The following PHF3 variants were observed in gnomAD, a reference collection of about 807,000 sequenced individuals.
The protein encoded by PHF3 is PHD finger protein 3.
PHF3 carries 41 observed loss-of-function variants against 178.4 expected under a neutral mutation model. The observed-to-expected ratio is 0.23, with a 90% CI of 0.18 to 0.30. The LOEUF (loss-of-function observed/expected upper bound fraction) is 0.30, where lower values mean the gene tolerates loss of function less well. Ranked by LOEUF, PHF3 falls within the 10% of genes least tolerant of loss-of-function variation. PHF3 has a pLI of 1.00. For synonymous variants in PHF3, 842 were observed against 800.5 expected (o/e 1.05, Z -0.88); for missense variants, 2,346 against 2,398.1 (o/e 0.98, Z 0.45).
Position 63,718,708 on chromosome 6 carries a change from T to TAA in PHF3, c.*5000_*5001insAA, listed in dbSNP as rs1768264458. Among the ~76,000 whole-genome samples, 2 of 152,022 alleles carry TAA rather than the reference T, an allele frequency of 1.3e-5. No individual in the cohort carries two copies. Among genetic ancestry groups the TAA allele is most frequent in the Non-Finnish European group, 2.9e-5 (2 of 67,946 alleles). ...TCCTTGAAAAGATCGCAGGGGTTCT[T>TAA]GGACCATAGTTTGGGAAGTGCTATT... On this transcript the variant is annotated 3_prime_UTR_variant, in exon 16 of 16. Transcript: ENST00000262043.
intron 2 of PHF3, among the ~76,000 whole-genome samples, chr6:63,659,588 G>A (rs1765381436): frequency 6.6e-6 from 1 of 152,210 alleles, no homozygotes; most frequent in South Asian, 2.1e-4. Context: ...CTTAAGAGCT[G>A]TAGATACTAC....
chr6:63,674,119 G>A (rs1463923175), intron 2 of PHF3, among the ~76,000 whole-genome samples: 1 of 151,832 alleles, frequency 6.6e-6, no homozygotes, highest in Non-Finnish European at 1.5e-5. Flanking sequence ...AAAAGGCGGT[G>A]TATAAATCCA....
In PHF3 at chr6:63,723,755, A is replaced by G. The variant is rs958527099; in HGVS notation, c.*10047A>G. Among the ~76,000 whole-genome samples the G allele has an allele frequency of 1.5e-4, 23 of 151,104 alleles. No homozygotes were observed. Among genetic ancestry groups the G allele is most frequent in the African/African-American group, 4.6e-4 (19 of 41,294 alleles). ...TTAAATTTCATTGCGTTAGGATATG[A>G]TGCTCTAGTTATGGGTCATAAGTAC... On this transcript the variant is annotated 3_prime_UTR_variant, in exon 16 of 16. Transcript: ENST00000262043.
chr6:63,701,211 C>T (rs1159816529), intron 9 of PHF3, among the ~76,000 whole-genome samples: 2 of 152,108 alleles, frequency 1.3e-5, no homozygotes, highest in Non-Finnish European at 2.9e-5. Context: ...TTTCGCATAA[C>T]TAATTTATTG....
chr6:63,661,013 T>C (rs897693090), intron 2 of PHF3, among the ~76,000 whole-genome samples: 2 of 152,154 alleles, frequency 1.3e-5, no homozygotes, highest in Non-Finnish European at 2.9e-5. Context: ...CTTTGTCTTT[T>C]ACCCAGTACC....
rs1437726919 is a variant in PHF3, at chr6:63,684,917, T to C, written c.1195T>C (p.Leu399=). The C allele has an allele frequency of 1.2e-6, 2 of 1,613,874 alleles. No homozygotes were observed. Among genetic ancestry groups the C allele is most frequent in the Non-Finnish European group, 1.7e-6 (2 of 1,179,946 alleles). Residue 399 remains leucine (L), a synonymous_variant, in exon 4 of 16, where the codon TTG becomes CTG. Transcript: ENST00000262043. ...NTLERNKIEP[L]GYCEDAESNR... ...CCTTGAAAGAAATAAAATTGAACCG[T>C]TGGGTTATTGTGAAGATGCGGAGTC...
intron 4 of PHF3, among the ~76,000 whole-genome samples, chr6:63,691,123 A>G (rs1474060752): frequency 3.3e-5 from 5 of 152,220 alleles, no homozygotes; most frequent in Non-Finnish European, 7.4e-5. Context: ...AAGATTCTTT[A>G]GCTGAATCAG....
chr6:63,705,998 G>A, intron 11 of PHF3, 31 bp from the exon 12 acceptor site: 2 of 1,536,190 alleles, frequency 1.3e-6, no homozygotes, highest in East Asian at 2.3e-5. Context: ...GTAGTTAACA[G>A]TTGGTTTCTT....
intron 2 of PHF3, among the ~76,000 whole-genome samples, chr6:63,671,450 A>G (rs1355032999): frequency 6.6e-6 from 1 of 152,124 alleles, no homozygotes; most frequent in African/African-American, 2.4e-5. Flanking sequence ...TTGTAAGGTG[A>G]TAGAAAATGT....
At chr6:63,668,622 G>A (rs972678587) in intron 2 of PHF3, among the ~76,000 whole-genome samples, 1 of 152,096 alleles carries the variant, frequency 6.6e-6, no homozygotes, top group Non-Finnish European at 1.5e-5. Context: ...TTATAGGCTT[G>A]AGCCACTGCA....
rs1257509064 is a variant in PHF3, at chr6:63,724,785, T to A, written c.*11077T>A. ...TACAGAAACCATGTTAATTTAGAAT[T>A]TGGTTTTCAATATGTGAAAACCACA... is the stretch of plus-strand genomic sequence containing the variant. On this transcript the variant is annotated 3_prime_UTR_variant, in exon 16 of 16. Transcript: ENST00000262043. Among the ~76,000 whole-genome samples, 2 of 152,154 alleles carry A rather than the reference T, an allele frequency of 1.3e-5. No individual in the cohort carries two copies. The highest frequency in any genetic ancestry group is 3.8e-4 in the East Asian group (2 of 5,198).
At chr6:63,646,461 T>A in intron 1 of PHF3, 66 bp from the exon 2 acceptor site, 5 of 1,088,274 alleles carry the variant, frequency 4.6e-6, no homozygotes, top group Non-Finnish European at 6.4e-6. Context: ...ATTAAAATAA[T>A]TTGGTATTAG....
rs921230064 is a variant in PHF3 at position 63,720,488 on chromosome 6, T to C, written c.*6780T>C. On this transcript the variant is annotated 3_prime_UTR_variant, in exon 16 of 16. Transcript: ENST00000262043. ...AAGATATGTTAGCATTTAGACTATT[T>C]CAGGTAATATAGTAAACAGTTGATT... 6 of 759,278 alleles carry C rather than the reference T, an allele frequency of 7.9e-6. No individual in the cohort carries two copies. The highest frequency in any genetic ancestry group is 7.0e-5 in the Admixed American group (2 of 28,494). 47.0% of individuals were successfully genotyped at this position (759,278 alleles called of 1,614,324 possible). A position where few individuals can be genotyped will look rare whatever the true frequency, so the allele number is the denominator to read the frequency against.
intron 2 of PHF3, chr6:63,678,810 G>A (rs1187644759): frequency 2.2e-6 from 1 of 449,240 alleles, no homozygotes; most frequent in Non-Finnish European, 4.5e-6. Flanking sequence ...GAAGAATTTT[G>A]TTCTCTTTAA....
At chr6:63,662,689 A>C (rs1176377631) in intron 2 of PHF3, among the ~76,000 whole-genome samples, 1 of 152,142 alleles carries the variant, frequency 6.6e-6, no homozygotes, top group African/African-American at 2.4e-5. Flanking sequence ...CTTTGGTCAT[A>C]GGTTTTTTTA....
intron 5 of PHF3, 63 bp downstream of exon 5, chr6:63,692,106 A>G: frequency 1.7e-6 from 2 of 1,155,802 alleles, no homozygotes; most frequent in South Asian, 1.7e-5. Flanking sequence ...ACTGACTGCA[A>G]TAATTTTGAA....
intron 11 of PHF3, among the ~76,000 whole-genome samples, chr6:63,705,195 G>T (rs1350484647): frequency 6.6e-6 from 1 of 152,138 alleles, no homozygotes; most frequent in Non-Finnish European, 1.5e-5. Flanking sequence ...TTGGAATTTG[G>T]TAAAATTGTC....
In PHF3 at chr6:63,721,614, T is replaced by G. The variant is rs1195225992; in HGVS notation, c.*7906T>G. 1 of 1,551,494 alleles carries G rather than the reference T, an allele frequency of 6.4e-7. No homozygotes were observed. The highest frequency in any genetic ancestry group is 2.0e-5 in the Admixed American group (1 of 50,974). On this transcript the variant is annotated 3_prime_UTR_variant, in exon 16 of 16. Transcript: ENST00000262043. ...AGAACTCATTTTAGTGGAGGCCTTTTCTGTTACATTTATCCCATCTAGATC... is the reference window on the plus strand; with the variant it reads ...AGAACTCATTTTAGTGGAGGCCTTTGCTGTTACATTTATCCCATCTAGATC...
At chr6:63,657,356 G>T (rs557949146) in intron 2 of PHF3, among the ~76,000 whole-genome samples, 3 of 152,040 alleles carry the variant, frequency 2.0e-5, no homozygotes, top group Non-Finnish European at 4.4e-5. Flanking sequence ...TCAGAAATTC[G>T]CATATAACTT....
Sources: allele counts gnomAD v4.1 joint callset (sites outside exome capture counted in the v4.1 genomes callset), GRCh38; gene constraint gnomAD v4.1.1; transcripts MANE v1.5; gene names NCBI Gene and HGNC (gene_info 2026-07-23, HGNC 2026-07-21).